Variants in TRPM3 observed in about 807,000 individuals in gnomAD.
TRPM3 encodes long transient receptor potential channel 3.
Under a neutral mutation model 181.2 loss-of-function variants are expected in TRPM3, and 77 were observed. That is an observed-to-expected ratio of 0.42 (90% CI 0.35 to 0.51). TRPM3 has a LOEUF of 0.51. TRPM3 is among the 20% of genes least tolerant of loss of function. TRPM3 has a pLI of 0.01. For synonymous variants in TRPM3, 745 were observed against 796.4 expected (o/e 0.94, Z 1.09); for missense variants, 1,759 against 2,196.7 (o/e 0.80, Z 3.98).
At chr9:71,421,957 C>CT (rs1048169464) in intron 1 of TRPM3, among the ~76,000 whole-genome samples, 3 of 151,900 alleles carry the variant, frequency 2.0e-5, no homozygotes, top group African/African-American at 7.3e-5. Context: ...CTCAACGTCC[C>CT]TTTTTTTGTA....
At chr9:71,311,325 A>G (rs1436021536) in intron 1 of TRPM3, among the ~76,000 whole-genome samples, 2 of 152,190 alleles carry the variant, frequency 1.3e-5, no homozygotes, top group Non-Finnish European at 2.9e-5. Flanking sequence ...ATTATTTTGC[A>G]GAAAATGTGT....
intron 1 of TRPM3, among the ~76,000 whole-genome samples, chr9:71,406,535 A>G (rs10118280): frequency 0.034 from 5,182 of 152,246 alleles, 173 homozygotes; most frequent in African/African-American, 0.092. Context: ...CCATCCACAC[A>G]CACATATGCA....
intron 1 of TRPM3, among the ~76,000 whole-genome samples, chr9:70,938,904 G>A (rs1048661958): frequency 6.6e-6 from 1 of 151,228 alleles, no homozygotes; most frequent in Non-Finnish European, 1.5e-5. Flanking sequence ...CTTGCAGTGA[G>A]CCAAGATCGC....
At chr9:70,961,717 G>C (rs900125689) in intron 1 of TRPM3, among the ~76,000 whole-genome samples, 6 of 151,974 alleles carry the variant, frequency 3.9e-5, no homozygotes, top group Non-Finnish European at 8.8e-5. Context: ...TCTGGGGATG[G>C]GGCTTATGTC....
intron 1 of TRPM3, among the ~76,000 whole-genome samples, chr9:71,319,118 T>G (rs1283485910): frequency 6.6e-6 from 1 of 152,162 alleles, no homozygotes; most frequent in Non-Finnish European, 1.5e-5. Context: ...TAAGGTCCCT[T>G]AGTGGGCAAA....
intron 1 of TRPM3, among the ~76,000 whole-genome samples, chr9:71,090,515 C>T (rs1348745485): frequency 3.3e-5 from 5 of 152,170 alleles, no homozygotes; most frequent in African/African-American, 1.2e-4. Context: ...ATCATGCCCT[C>T]ATCTGTATCA....
At chr9:70,862,313 A>T (rs769911734) in intron 3 of TRPM3, among the ~76,000 whole-genome samples, 1 of 152,168 alleles carries the variant, frequency 6.6e-6, no homozygotes, top group Non-Finnish European at 1.5e-5. Context: ...TAACATTTGC[A>T]TATTTCCTAA....
At chr9:70,667,633 T>TA (rs2062027775) in intron 9 of TRPM3, among the ~76,000 whole-genome samples, 1 of 152,200 alleles carries the variant, frequency 6.6e-6, no homozygotes, top group Admixed American at 6.5e-5. Context: ...GTCTGCTTCT[T>TA]AAAAAATACA....
At chr9:71,176,284 A>AT (rs1341675082) in intron 1 of TRPM3, among the ~76,000 whole-genome samples, 11 of 152,104 alleles carry the variant, frequency 7.2e-5, no homozygotes, top group Admixed American at 1.3e-4. Flanking sequence ...GTGGGACAAG[A>AT]TGTGGAGGTA....
chr9:71,176,513 A>G (rs548360601), intron 1 of TRPM3, among the ~76,000 whole-genome samples: 2 of 152,324 alleles, frequency 1.3e-5, no homozygotes, highest in South Asian at 2.1e-4. Context: ...TCAGGAAGTC[A>G]AACAATTTAA....
chr9:71,374,299 C>A (rs549783313), intron 1 of TRPM3, among the ~76,000 whole-genome samples: 1 of 151,896 alleles, frequency 6.6e-6, no homozygotes, highest in Admixed American at 6.6e-5. Flanking sequence ...ACTGGAACCC[C>A]GGAGGCAGAG....
chr9:70,772,914 A>G (rs1457173430), intron 7 of TRPM3, among the ~76,000 whole-genome samples: 2 of 151,338 alleles, frequency 1.3e-5, no homozygotes, highest in Admixed American at 6.6e-5. Flanking sequence ...CAATCCCATC[A>G]GCGAATATTG....
chr9:70,876,007 A>G (rs1293223190), intron 1 of TRPM3, among the ~76,000 whole-genome samples: 2 of 151,934 alleles, frequency 1.3e-5, no homozygotes, highest in Non-Finnish European at 2.9e-5. Flanking sequence ...AATTATGCAG[A>G]TTTAGATCCT....
At chr9:70,782,149 CT>C (rs1449755064) in intron 7 of TRPM3, among the ~76,000 whole-genome samples, 2 of 151,188 alleles carry the variant, frequency 1.3e-5, no homozygotes, top group Non-Finnish European at 2.9e-5. Flanking sequence ...AAGTTTATTT[CT>C]GAAAAATAGA....
chr9:71,170,067 C>T (rs377611676), intron 1 of TRPM3, among the ~76,000 whole-genome samples: 109 of 149,008 alleles, frequency 7.3e-4, no homozygotes, highest in African/African-American at 2.5e-3. Context: ...TTTCCAGTGG[C>T]AACTAGGAAA....
chr9:71,410,571 C>T (rs567261556), intron 1 of TRPM3, among the ~76,000 whole-genome samples: 1 of 152,244 alleles, frequency 6.6e-6, no homozygotes, highest in Non-Finnish European at 1.5e-5. Context: ...GAAGTTGAAT[C>T]CCTGAATAGA....
intron 12 of TRPM3, among the ~76,000 whole-genome samples, chr9:70,627,209 G>A: frequency 6.9e-6 from 1 of 145,836 alleles, no homozygotes; most frequent in Admixed American, 6.9e-5. Flanking sequence ...AATGGAGTGA[G>A]AACAAATAGA....
At chr9:70,829,772 G>C (rs998103641) in intron 5 of TRPM3, among the ~76,000 whole-genome samples, 1 of 152,094 alleles carries the variant, frequency 6.6e-6, no homozygotes, top group Non-Finnish European at 1.5e-5. Context: ...GATTGCGTAA[G>C]AGTCCCCCGA....
intron 8 of TRPM3, among the ~76,000 whole-genome samples, chr9:70,699,614 G>A (rs971216516): frequency 6.6e-6 from 1 of 152,192 alleles, no homozygotes; most frequent in Admixed American, 6.5e-5. Flanking sequence ...GAGGCTCAGA[G>A]ATTGAAGTAG....
Sources: allele counts gnomAD v4.1 joint callset (sites outside exome capture counted in the v4.1 genomes callset), GRCh38; gene constraint gnomAD v4.1.1; transcripts MANE v1.5; gene names NCBI Gene and HGNC (gene_info 2026-07-23, HGNC 2026-07-21).